Variants in PTPRR observed in about 807,000 individuals in gnomAD.
PTPRR encodes receptor-type tyrosine-protein phosphatase R.
In PTPRR, 38 loss-of-function variants were observed where a neutral mutation model predicts 77.2. The observed-to-expected ratio is 0.49, with a 90% CI of 0.38 to 0.65. PTPRR has a LOEUF of 0.65. Among genes scored for constraint, PTPRR ranks in the 30% least tolerant of loss-of-function variants. The pLI is 0.00. For missense variants in PTPRR, 744 were observed against 799.2 expected, an observed-to-expected ratio of 0.93 and a Z score of 0.83; for synonymous variants, 299 against 283.1, an observed-to-expected ratio of 1.06 and a Z score of -0.57.
At chr12:70,840,118 A>T (rs1165749742) in intron 2 of PTPRR, among the ~76,000 whole-genome samples, 1 of 152,158 alleles carries the variant, frequency 6.6e-6, no homozygotes. Context: ...TGTAGGTCAG[A>T]AATCTGACAC....
intron 6 of PTPRR, among the ~76,000 whole-genome samples, chr12:70,736,786 A>C (rs1368010560): frequency 6.6e-6 from 1 of 152,214 alleles, no homozygotes; most frequent in Admixed American, 6.5e-5. Flanking sequence ...CATGGTTGAT[A>C]GACTGTGTTC....
At chr12:70,643,010 TAAAAGA>T (rs1358507564) in intron 13 of PTPRR, among the ~76,000 whole-genome samples, 1 of 152,058 alleles carries the variant, frequency 6.6e-6, no homozygotes, top group East Asian at 1.9e-4. Flanking sequence ...GTCTACAATT[TAAAAGA>T]AAAATTAGCT....
intron 2 of PTPRR, among the ~76,000 whole-genome samples, chr12:70,831,705 TC>T (rs1892215694): frequency 6.6e-6 from 1 of 152,192 alleles, no homozygotes; most frequent in Non-Finnish European, 1.5e-5. Flanking sequence ...AGGCCTGCCT[TC>T]TGGCTCACCT....
Position 70,695,460 on chromosome 12 carries a change from C to T in PTPRR, c.1279+2805G>A, listed in dbSNP as rs547892504. On this transcript the variant is annotated intron_variant, in intron 8 of 13. Coordinates refer to ENST00000283228, the MANE Select transcript of PTPRR (RefSeq NM_002849.4). ...GTGGGTGGGGCATTCAGCCTGCAGA[C>T]ATTTTCAACAGAAAATCCATCATTT... Among the ~76,000 whole-genome samples the T allele has an allele frequency of 2.0e-5, 3 of 152,264 alleles. No homozygotes were observed. In the South Asian group the frequency reaches 6.2e-4, roughly 32 times the overall value.
At position 70,701,118 on chromosome 12, in the gene PTPRR, CAATA is replaced by C. The variant is rs767251845; in HGVS notation, c.1194+15_1194+18del. On this transcript the variant is annotated intron_variant, in intron 7 of 13. Transcript: ENST00000283228. ...ATCAAAATACCGACTGAAGAGTGAA[CAATA>C]AATAGAAGGCTCACCATGAATTCAC... The C allele has an allele frequency of 1.2e-6, 2 of 1,613,120 alleles. No homozygotes were observed. The highest frequency in any genetic ancestry group is 2.2e-5 in the East Asian group (1 of 44,844).
intron 2 of PTPRR, among the ~76,000 whole-genome samples, chr12:70,877,876 A>C (rs1309701757): frequency 6.6e-6 from 1 of 152,192 alleles, no homozygotes; most frequent in Non-Finnish European, 1.5e-5. Context: ...TAACCAAAAC[A>C]GCATGGTACT....
At chr12:70,876,542 A>G (rs1242224177) in intron 2 of PTPRR, among the ~76,000 whole-genome samples, 1 of 152,204 alleles carries the variant, frequency 6.6e-6, no homozygotes, top group African/African-American at 2.4e-5. Context: ...CCACTTGCAG[A>G]GTAAGTATGA....
chr12:70,863,143 G>C (rs1411061963), intron 2 of PTPRR, among the ~76,000 whole-genome samples: 1 of 152,060 alleles, frequency 6.6e-6, no homozygotes, highest in African/African-American at 2.4e-5. Context: ...TATCTAACTA[G>C]CATTGATCAA....
chr12:70,785,502 T>C (rs1044164717), intron 2 of PTPRR, among the ~76,000 whole-genome samples: 1 of 152,176 alleles, frequency 6.6e-6, no homozygotes, highest in Non-Finnish European at 1.5e-5. Context: ...TTCTATACAA[T>C]TTTGAGTAAG....
chr12:70,697,315 T>A (rs1314211437), intron 8 of PTPRR, among the ~76,000 whole-genome samples: 4 of 152,160 alleles, frequency 2.6e-5, no homozygotes, highest in African/African-American at 9.6e-5. Context: ...CACTGATGGC[T>A]AGTGATGTTA....
chr12:70,656,615 G>C, intron 13 of PTPRR, 89 bp downstream of exon 13: 1 of 894,390 alleles, frequency 1.1e-6, no homozygotes, highest in Non-Finnish European at 1.8e-6. Flanking sequence ...GGACCTTGGA[G>C]CCTGAGATGT....
At chr12:70,750,155 T>G (rs184252078) in intron 5 of PTPRR, among the ~76,000 whole-genome samples, 50 of 152,314 alleles carry the variant, frequency 3.3e-4, no homozygotes, top group African/African-American at 1.2e-3. Flanking sequence ...TGGCAACATT[T>G]TTTTTTTGTA....
chr12:70,686,039 T>G (rs1201157862), intron 8 of PTPRR, among the ~76,000 whole-genome samples: 1 of 152,184 alleles, frequency 6.6e-6, no homozygotes, highest in Non-Finnish European at 1.5e-5. Context: ...ATACAAAATG[T>G]TATATCCTAG....
intron 2 of PTPRR, among the ~76,000 whole-genome samples, chr12:70,840,728 G>A (rs1036659542): frequency 1.3e-5 from 2 of 152,210 alleles, no homozygotes; most frequent in African/African-American, 2.4e-5. Context: ...TCACTATGTC[G>A]AAAGGTCTGG....
intron 5 of PTPRR, among the ~76,000 whole-genome samples, chr12:70,752,352 T>C (rs1890428556): frequency 6.6e-6 from 1 of 152,142 alleles, no homozygotes; most frequent in South Asian, 2.1e-4. Context: ...TAGAGTCGAC[T>C]TCCCTAAGTT....
intron 13 of PTPRR, among the ~76,000 whole-genome samples, chr12:70,654,259 T>C (rs1283522785): frequency 6.6e-6 from 1 of 152,134 alleles, no homozygotes; most frequent in African/African-American, 2.4e-5. Context: ...GCTCAAAGCA[T>C]ATTTGTTGAA....
chr12:70,863,706 T>A (rs190058235), intron 2 of PTPRR, among the ~76,000 whole-genome samples: 90 of 149,758 alleles, frequency 6.0e-4, no homozygotes, highest in African/African-American at 2.2e-3. Context: ...CATAACAGGG[T>A]GAAATATTTC....
intron 8 of PTPRR, among the ~76,000 whole-genome samples, chr12:70,695,524 G>A (rs1267877381): frequency 3.3e-5 from 5 of 152,090 alleles, no homozygotes; most frequent in Admixed American, 3.3e-4. Flanking sequence ...TGAATCCAGC[G>A]GTCCACCCAG....
At chr12:70,726,243 T>C (rs1889432289) in intron 6 of PTPRR, among the ~76,000 whole-genome samples, 1 of 152,172 alleles carries the variant, frequency 6.6e-6, no homozygotes, top group Non-Finnish European at 1.5e-5. Context: ...ACCTATCATA[T>C]GCCCAGTTTT....
Sources: allele counts gnomAD v4.1 joint callset (sites outside exome capture counted in the v4.1 genomes callset), GRCh38; gene constraint gnomAD v4.1.1; transcripts MANE v1.5; gene names NCBI Gene and HGNC (gene_info 2026-07-23, HGNC 2026-07-21).